The following PDE1C variants were observed in gnomAD, a reference collection of about 807,000 sequenced individuals.
The protein encoded by PDE1C is dual specificity calcium/calmodulin-dependent 3',5'-cyclic nucleotide phosphodiesterase 1C.
A neutral mutation model predicts 93.1 loss-of-function variants in PDE1C; 62 were observed. The ratio of observed to expected loss-of-function variants is 0.67; its 90% CI spans 0.54 to 0.82. The LOEUF (loss-of-function observed/expected upper bound fraction) is 0.82. Ranked by LOEUF, PDE1C falls within the 40% of genes least tolerant of loss-of-function variation. The pLI, the probability that PDE1C is intolerant of heterozygous loss-of-function variation, is 0.00. For synonymous variants in PDE1C, 325 were observed against 310.1 expected (o/e 1.05, Z -0.50); for missense variants, 742 against 884.6 (o/e 0.84, Z 2.04).
chr7:31,622,060 C>T, the PDE1C span, among the ~76,000 whole-genome samples: 4 of 141,178 alleles, frequency 2.8e-5, no homozygotes, highest in African/African-American at 1.1e-4. Context: ...GCTAACTATC[C>T]TAAATATATA....
the PDE1C span, among the ~76,000 whole-genome samples, chr7:31,664,402 G>A: frequency 1.3e-5 from 2 of 151,816 alleles, no homozygotes; most frequent in Non-Finnish European, 2.9e-5. Flanking sequence ...ATGATGGAGG[G>A]GGACACACTG....
At chr7:31,647,819 C>G in the PDE1C span, among the ~76,000 whole-genome samples, 2 of 152,038 alleles carry the variant, frequency 1.3e-5, no homozygotes, top group Non-Finnish European at 2.9e-5. Flanking sequence ...ATCTTACCCC[C>G]CTAATATAGC....
chr7:32,311,070 T>C (rs1480424797), intron 1 of PDE1C, among the ~76,000 whole-genome samples: 1 of 151,988 alleles, frequency 6.6e-6, no homozygotes, highest in African/African-American at 2.4e-5. Context: ...ATAAAGAAGA[T>C]ATCACCACCG....
the PDE1C span, among the ~76,000 whole-genome samples, chr7:31,681,918 CT>C: frequency 1.3e-5 from 2 of 152,170 alleles, no homozygotes; most frequent in African/African-American, 2.4e-5. Context: ...AAAATGTCCT[CT>C]TGTGTCTTTT....
the PDE1C span, among the ~76,000 whole-genome samples, chr7:31,679,131 A>G: frequency 6.6e-6 from 1 of 152,210 alleles, no homozygotes; most frequent in African/African-American, 2.4e-5. Flanking sequence ...TTTTCCGACC[A>G]GAATGCACTC....
chr7:32,318,101 T>C (rs755225610), intron 1 of PDE1C, among the ~76,000 whole-genome samples: 2 of 152,150 alleles, frequency 1.3e-5, no homozygotes, highest in South Asian at 4.1e-4. Flanking sequence ...AAAGTTGTTC[T>C]AACCCTTGAA....
At chr7:32,008,330 C>T (rs979142702) in intron 2 of PDE1C, among the ~76,000 whole-genome samples, 6 of 152,172 alleles carry the variant, frequency 3.9e-5, no homozygotes, top group Non-Finnish European at 8.8e-5. Flanking sequence ...TGACTTGATG[C>T]TACTTCTAGG....
intron 1 of PDE1C, among the ~76,000 whole-genome samples, chr7:32,414,361 A>G (rs1583429912): frequency 6.6e-6 from 1 of 152,344 alleles, no homozygotes; most frequent in South Asian, 2.1e-4. Context: ...AAAACATTAC[A>G]TTATAAAATA....
chr7:32,186,923 A>G (rs914547166), intron 2 of PDE1C, among the ~76,000 whole-genome samples: 58 of 152,292 alleles, frequency 3.8e-4, no homozygotes, highest in Admixed American at 1.5e-3. Context: ...TCCTTCATCG[A>G]TAGAAAATTA....
At chr7:32,212,050 GAAAGAAA>G (rs1806086740) in intron 1 of PDE1C, among the ~76,000 whole-genome samples, 1 of 141,998 alleles carries the variant, frequency 7.0e-6, no homozygotes, top group Non-Finnish European at 1.5e-5. Context: ...AAAAAAGAAA[GAAAGAAA>G]AAAGAAAAAG....
chr7:31,977,778 C>T lies in PDE1C; in HGVS notation c.128+73776G>A, dbSNP rs553315845. Among the ~76,000 whole-genome samples the T allele has an allele frequency of 2.0e-5, 3 of 152,216 alleles. No individual in the cohort carries two copies. In the South Asian group the frequency reaches 6.2e-4, roughly 32 times the overall value. On this transcript the variant is annotated intron_variant, in intron 2 of 17. Coordinates refer to ENST00000396191, the MANE Select transcript of PDE1C (RefSeq NM_001191057.4). ...TGAGTTACAAACAGTAGTTGCTCAA[C>T]AACTATTAAATAAATTAATGAATAA... is the stretch of plus-strand genomic sequence containing the variant.
chr7:31,737,132 TTTTTTA>T, the PDE1C span, among the ~76,000 whole-genome samples: 12 of 152,118 alleles, frequency 7.9e-5, no homozygotes, highest in Middle Eastern at 3.4e-3. Context: ...ATTTTATTAC[TTTTTTA>T]TTTTTATTTT....
At chr7:32,144,065 G>C (rs1006762) in intron 3 of PDE1C, among the ~76,000 whole-genome samples, 48,990 of 151,816 alleles carry the variant, frequency 0.32, 8,657 homozygotes, top group South Asian at 0.41. Flanking sequence ...CAAGCATAAA[G>C]GGCTTGCCAT....
chr7:32,014,704 T>G (rs1330508111), intron 2 of PDE1C, among the ~76,000 whole-genome samples: 1 of 152,138 alleles, frequency 6.6e-6, no homozygotes, highest in Non-Finnish European at 1.5e-5. Flanking sequence ...AGTGAGAACA[T>G]GCAGTGTTTG....
At chr7:31,879,538 AT>A (rs1401888934) in intron 3 of PDE1C, among the ~76,000 whole-genome samples, 2 of 152,286 alleles carry the variant, frequency 1.3e-5, no homozygotes, top group East Asian at 3.9e-4. Flanking sequence ...ATGTGACGTT[AT>A]TTTGTTTAAA....
In PDE1C at chr7:31,980,504, A is replaced by G. The variant is rs193254076; in HGVS notation, c.128+71050T>C. Among the ~76,000 whole-genome samples, 162 of 152,262 alleles carry G rather than the reference A, an allele frequency of 1.1e-3. 1 individual carries two copies. Among genetic ancestry groups the G allele is most frequent in the Non-Finnish European group, 2.0e-3 (136 of 68,018 alleles). The stretch of plus-strand genomic sequence containing the variant: ...TGCTATTTTTTCCACATTTCATAAG[A>G]CTTTTTGGTTAATACTCTAGGAAAT... On this transcript the variant is annotated intron_variant, in intron 2 of 17. Transcript: ENST00000396191.
At chr7:31,997,447 C>T (rs1440216634) in intron 2 of PDE1C, among the ~76,000 whole-genome samples, 1 of 152,134 alleles carries the variant, frequency 6.6e-6, no homozygotes, top group Non-Finnish European at 1.5e-5. Context: ...GCCCTAATGC[C>T]CTTGAAGCAT....
At chr7:32,407,761 T>C (rs1301874021) in intron 1 of PDE1C, among the ~76,000 whole-genome samples, 2 of 152,196 alleles carry the variant, frequency 1.3e-5, no homozygotes, top group Admixed American at 6.5e-5. Context: ...GCTTTATCTA[T>C]GGAATGTGTG....
intron 7 of PDE1C, among the ~76,000 whole-genome samples, chr7:31,861,169 A>C (rs1794651673): frequency 6.6e-6 from 1 of 151,332 alleles, no homozygotes; most frequent in African/African-American, 2.4e-5. Flanking sequence ...GCAATGCACC[A>C]CTCTCTTCTT....
Sources: allele counts gnomAD v4.1 joint callset (sites outside exome capture counted in the v4.1 genomes callset), GRCh38; gene constraint gnomAD v4.1.1; transcripts MANE v1.5; gene names NCBI Gene and HGNC (gene_info 2026-07-23, HGNC 2026-07-21).